The following POLK variants were observed in gnomAD, a reference collection of about 807,000 sequenced individuals.
POLK encodes polymerase (DNA directed) kappa.
Under a neutral mutation model 94.0 loss-of-function variants are expected in POLK, and 76 were observed. The ratio of observed to expected loss-of-function variants is 0.81; its 90% CI spans 0.67 to 0.98. POLK has a LOEUF of 0.98. Among genes scored for constraint, POLK ranks in the 50% least tolerant of loss-of-function variants. The pLI is 0.00. For synonymous variants in POLK, 349 were observed against 325.4 expected, an observed-to-expected ratio of 1.07 and a Z score of -0.78; for missense variants, 954 against 1,010.1, an observed-to-expected ratio of 0.94 and a Z score of 0.75.
At chr5:75,546,288 A>G (rs764285825) in intron 1 of POLK, among the ~76,000 whole-genome samples, 1 of 152,212 alleles carries the variant, frequency 6.6e-6, no homozygotes, top group Non-Finnish European at 1.5e-5. Context: ...GAGACAAAAT[A>G]TATTTATTAT....
chr5:75,584,380 C>T (rs1217000421), intron 8 of POLK, among the ~76,000 whole-genome samples: 1 of 152,074 alleles, frequency 6.6e-6, no homozygotes, highest in Non-Finnish European at 1.5e-5. Flanking sequence ...AAGATAGTCA[C>T]ATTATTCATA....
chr5:75,513,847 C>T (rs1768194920), intron 1 of POLK, among the ~76,000 whole-genome samples: 2 of 151,978 alleles, frequency 1.3e-5, no homozygotes, highest in African/African-American at 2.4e-5. Context: ...TTTTGCTTAG[C>T]TTTTGAGTCT....
At chr5:75,587,324 A>G (rs1269992152) in intron 10 of POLK, among the ~76,000 whole-genome samples, 1 of 152,196 alleles carries the variant, frequency 6.6e-6, no homozygotes, top group Admixed American at 6.5e-5. Context: ...AGAATTTCAT[A>G]TCTTAATTTC....
chr5:75,574,842 T>C (rs1771786640), intron 5 of POLK, among the ~76,000 whole-genome samples: 1 of 152,242 alleles, frequency 6.6e-6, no homozygotes, highest in South Asian at 2.1e-4. Flanking sequence ...TCTCTTTCAT[T>C]GTATTCCTAA....
At chr5:75,511,630 A>G, upstream of POLK, 1 of 1,480,800 alleles carries the variant, frequency 6.8e-7, no homozygotes, top group African/African-American at 1.4e-5. Flanking sequence ...CCCACTATTT[A>G]CCCTCCCCTC....
At chr5:75,596,673 G>A (rs145037174) in exon 13 of POLK, 11 of 1,613,886 alleles carry the variant, frequency 6.8e-6, no homozygotes, top group African/African-American at 5.3e-5. Flanking sequence ...AAATGTTCTC[G>A]TGTTCACATG....
Position 75,527,502 on chromosome 5 carries a change from T to TATATACACACACAC in POLK, c.-14+15589_-14+15590insTATACACACACACA, listed in dbSNP as rs555220325. ...CTCAAAAAAAAAAAAAATTTATATA[T>TATATACACACACAC]ACACACACACACACACACACACACA... On this transcript the variant is annotated intron_variant, in intron 1 of 14. Transcript: ENST00000241436. Among the ~76,000 whole-genome samples the TATATACACACACAC allele has an allele frequency of 1.2e-4, 16 of 133,028 alleles. No homozygotes were observed. The South Asian group carries it at 1.3e-3, about 11-fold the overall frequency. 87.3% of individuals were successfully genotyped at this position (133,028 alleles called of 152,430 possible). A position where few individuals can be genotyped will look rare whatever the true frequency, so the allele number is the denominator to read the frequency against.
intron 11 of POLK, among the ~76,000 whole-genome samples, chr5:75,592,688 C>CT (rs1772849078): frequency 6.7e-6 from 1 of 149,452 alleles, no homozygotes; most frequent in African/African-American, 2.5e-5. Flanking sequence ...GAGTGAGACT[C>CT]TGTCTAAAAC....
intron 1 of POLK, among the ~76,000 whole-genome samples, chr5:75,533,060 T>G (rs1261330711): frequency 6.6e-6 from 1 of 152,236 alleles, no homozygotes; most frequent in Non-Finnish European, 1.5e-5. Context: ...TGACAGTTTC[T>G]TTTGCTGTGC....
intron 1 of POLK, among the ~76,000 whole-genome samples, chr5:75,543,069 C>A (rs1314708478): frequency 6.8e-6 from 1 of 147,282 alleles, no homozygotes; most frequent in Non-Finnish European, 1.5e-5. Context: ...GAGACGGAGT[C>A]CCATTCTGTC....
intron 1 of POLK, among the ~76,000 whole-genome samples, chr5:75,527,389 G>A (rs1341360467): frequency 6.6e-6 from 1 of 151,532 alleles, no homozygotes; most frequent in African/African-American, 2.4e-5. Flanking sequence ...TTTTGGTGGT[G>A]CACGCCTGTG....
the POLK span, chr5:75,608,691 C>T: frequency 6.6e-6 from 1 of 152,024 alleles, no homozygotes; most frequent in Non-Finnish European, 1.5e-5. Context: ...TGACATTTAA[C>T]CTGAAACCTT....
chr5:75,524,046 C>T (rs1768713925), intron 1 of POLK, among the ~76,000 whole-genome samples: 1 of 151,848 alleles, frequency 6.6e-6, no homozygotes, highest in Non-Finnish European at 1.5e-5. Flanking sequence ...AGGAGAATCA[C>T]TTGAAACCGG....
At chr5:75,581,150 A>C (rs972200498) in intron 6 of POLK, 59 bp from the exon 7 acceptor site, 2 of 1,200,416 alleles carry the variant, frequency 1.7e-6, no homozygotes, top group Non-Finnish European at 1.2e-6. Flanking sequence ...GGGAAACCTA[A>C]CTTATGAAGT....
chr5:75,573,748 A>G, exon 5 of POLK: 1 of 1,613,036 alleles, frequency 6.2e-7, no homozygotes, highest in Non-Finnish European at 8.5e-7. Context: ...TCTACTTCAA[A>G]TTACCATGCA....
At chr5:75,517,243 C>T (rs1255407005) in intron 1 of POLK, among the ~76,000 whole-genome samples, 1 of 152,066 alleles carries the variant, frequency 6.6e-6, no homozygotes, top group East Asian at 1.9e-4. Flanking sequence ...GTAGTATTGT[C>T]GTTTTAACAA....
exon 15 of POLK, chr5:75,599,255 A>ATTT (rs1773234108): frequency 6.6e-6 from 1 of 152,060 alleles, no homozygotes; most frequent in African/African-American, 2.4e-5. Context: ...TCAATAATAT[A>ATTT]ATAATAGTTA....
the POLK span, among the ~76,000 whole-genome samples, chr5:75,608,448 G>T: frequency 1.3e-5 from 2 of 152,080 alleles, no homozygotes; most frequent in African/African-American, 4.8e-5. Context: ...TCCCACTTCG[G>T]CCTCTCAAAT....
chr5:75,554,751 T>C (rs1770517120), intron 3 of POLK, among the ~76,000 whole-genome samples: 1 of 152,192 alleles, frequency 6.6e-6, no homozygotes, highest in Non-Finnish European at 1.5e-5. Flanking sequence ...AGTGAGAACA[T>C]GCGGTATGTG....
Sources: allele counts gnomAD v4.1 joint callset (sites outside exome capture counted in the v4.1 genomes callset), GRCh38; gene constraint gnomAD v4.1.1; transcripts MANE v1.5; gene names NCBI Gene and HGNC (gene_info 2026-07-23, HGNC 2026-07-21).